Variants in MAMSTR observed in about 807,000 individuals in gnomAD.
MAMSTR encodes the protein MEF2 activating motif and SAP domain containing transcriptional regulator, also known as MEF2-activating motif and SAP domain-containing transcriptional regulator.
A neutral mutation model predicts 42.7 loss-of-function variants in MAMSTR; 41 were observed. That is an observed-to-expected ratio of 0.96 (90% CI 0.75 to 1.25). The LOEUF is 1.25. MAMSTR is among the 50% of genes most tolerant of loss of function. MAMSTR has a pLI of 0.00. For missense variants in MAMSTR, 567 were observed against 557.6 expected, an observed-to-expected ratio of 1.02 and a Z score of -0.17; for synonymous variants, 265 against 244.1, an observed-to-expected ratio of 1.09 and a Z score of -0.80.
downstream of MAMSTR, among the ~76,000 whole-genome samples, chr19:48,708,103 G>A (rs893874559): frequency 6.6e-6 from 1 of 151,710 alleles, no homozygotes; most frequent in Non-Finnish European, 1.5e-5. Context: ...GTGTAGTGGC[G>A]CATGCCTGTA....
chr19:48,708,231 C>CAAAAAAAAA (rs66744711), downstream of MAMSTR, among the ~76,000 whole-genome samples: 7 of 118,780 alleles, frequency 5.9e-5, no homozygotes, highest in Admixed American at 9.7e-5. Flanking sequence ...TGAACTCCAT[C>CAAAAAAAAA]AAAAAAAAAA....
At chr19:48,706,305 C>A in the MAMSTR span, among the ~76,000 whole-genome samples, 1 of 111,370 alleles carries the variant, frequency 9.0e-6, no homozygotes, top group South Asian at 2.6e-4. Context: ...AAAAAAAATT[C>A]TTAAGAGTAG....
At chr19:48,707,807 G>GGAAGGAAAGAAA (rs142184925), downstream of MAMSTR, among the ~76,000 whole-genome samples, 49 of 116,650 alleles carry the variant, frequency 4.2e-4, 2 homozygotes, top group Middle Eastern at 3.7e-3. Flanking sequence ...AAGGAAGGAA[G>GGAAGGAAAGAAA]GAAAGAAAGA....
At chr19:48,716,150 C>G (rs1016786870) in intron 3 of MAMSTR, among the ~76,000 whole-genome samples, 2 of 151,806 alleles carry the variant, frequency 1.3e-5, no homozygotes, top group Non-Finnish European at 2.9e-5. Flanking sequence ...CTGAGGCGGG[C>G]GGATCACTTG....
At chr19:48,708,781 C>G (rs75465285), downstream of MAMSTR, among the ~76,000 whole-genome samples, 1 of 151,720 alleles carries the variant, frequency 6.6e-6, no homozygotes, top group Non-Finnish European at 1.5e-5. Context: ...GACGAGTGCC[C>G]GAGACACAGA....
At chr19:48,714,273 C>T in intron 7 of MAMSTR, 93 bp downstream of exon 7, 1 of 1,129,152 alleles carries the variant, frequency 8.9e-7, no homozygotes, top group Non-Finnish European at 1.2e-6. Context: ...TGGTCCTCGC[C>T]CCCACACTTC....
downstream of MAMSTR, among the ~76,000 whole-genome samples, chr19:48,709,128 A>C (rs1289275693): frequency 6.6e-6 from 1 of 152,070 alleles, no homozygotes. Context: ...TGTCTCTATA[A>C]AAAAATGCAG....
At chr19:48,708,566 C>T (rs1170051491), downstream of MAMSTR, among the ~76,000 whole-genome samples, 3 of 151,940 alleles carry the variant, frequency 2.0e-5, no homozygotes, top group South Asian at 2.1e-4. Flanking sequence ...GTTGGGCGCT[C>T]GGCAGTGCCG....
intron 3 of MAMSTR, among the ~76,000 whole-genome samples, chr19:48,716,473 G>C (rs1211451526): frequency 6.6e-6 from 1 of 150,510 alleles, no homozygotes; most frequent in Admixed American, 6.6e-5. Flanking sequence ...CAGGATCCAA[G>C]TTCAAGCATC....
In MAMSTR at chr19:48,719,157, G is replaced by A. The variant is rs1312489785; in HGVS notation, c.-21-105C>T. The A allele has an allele frequency of 1.1e-5, 9 of 791,796 alleles. No individual in the cohort carries two copies. Among genetic ancestry groups the A allele is most frequent in the Non-Finnish European group, 1.9e-5 (9 of 475,218 alleles). The allele number at this position is 791,796 out of a possible 1,614,324, so 49.0% of individuals were successfully genotyped here. A position where few individuals can be genotyped will look rare whatever the true frequency, so the allele number is the denominator to read the frequency against. The stretch of plus-strand genomic sequence containing the variant: ...AATTCAGCAGGGAAAGGGCCCGAAG[G>A]AGGTGGGAATAGGAGCAGCCTTGGG... On this transcript the variant is annotated intron_variant, in intron 1 of 9. Coordinates refer to ENST00000318083, the MANE Select transcript of MAMSTR (RefSeq NM_001130915.2). This position sits in a 1 kb window ranked among gnomAD's most constrained non-coding sequence, Gnocchi z 4.4.
At chr19:48,714,288 G>A in intron 7 of MAMSTR, 78 bp downstream of exon 7, 1 of 1,207,632 alleles carries the variant, frequency 8.3e-7, no homozygotes, top group Non-Finnish European at 1.1e-6. Flanking sequence ...CACTTCATTG[G>A]CTAGTTTTTT....
intron 3 of MAMSTR, 131 bp downstream of exon 3, chr19:48,716,574 A>C: frequency 9.7e-7 from 1 of 1,033,218 alleles, no homozygotes; most frequent in Non-Finnish European, 1.3e-6. Flanking sequence ...ACAGGATGGG[A>C]TTTTGGTCTG....
downstream of MAMSTR, among the ~76,000 whole-genome samples, chr19:48,710,619 TG>T (rs1168649893): frequency 7.2e-6 from 1 of 139,218 alleles, no homozygotes; most frequent in African/African-American, 2.7e-5. Context: ...TTTTTTGAGA[TG>T]GAGTCTCACT....
downstream of MAMSTR, among the ~76,000 whole-genome samples, chr19:48,711,469 C>A (rs2032723289): frequency 6.6e-6 from 1 of 152,142 alleles, no homozygotes; most frequent in Admixed American, 6.6e-5. Flanking sequence ...GAAGAACTGC[C>A]CTGCTGAGCC....
At position 48,719,148 on chromosome 19, in the gene MAMSTR, G is replaced by A. The variant is rs936255053; in HGVS notation, c.-21-96C>T. On this transcript the variant is annotated intron_variant, in intron 1 of 9. Transcript: ENST00000318083. This position sits in a 1 kb window ranked among gnomAD's most constrained non-coding sequence, Gnocchi z 4.4. The stretch of plus-strand genomic sequence containing the variant: ...CTGAGAGTGAATTCAGCAGGGAAAG[G>A]GCCCGAAGGAGGTGGGAATAGGAGC... 2.7e-5 allele frequency: 23 copies of A among 846,494 alleles called. No homozygotes were observed. The highest frequency in any genetic ancestry group is 2.6e-4 in the Middle Eastern group (1 of 3,902). The allele number at this position is 846,494 out of a possible 1,614,324, so 52.4% of individuals were successfully genotyped here. A position where few individuals can be genotyped will look rare whatever the true frequency, so the allele number is the denominator to read the frequency against.
Position 48,719,023 on chromosome 19 carries a change from C to T in MAMSTR, c.9G>A (p.Leu3=), listed in dbSNP as rs1341402474. 3 of 1,551,180 alleles carry T rather than the reference C, an allele frequency of 1.9e-6. No individual in the cohort carries two copies. Among genetic ancestry groups the T allele is most frequent in the African/African-American group, 1.4e-5 (1 of 73,004 alleles). MT[L]AASSQRSQII... is the part of the protein sequence containing the mutation. ...TTTGGGAACGCTGGGAGGAAGCCGC[C>T]AGGGTCATTGCCAAGGCCGGGATGG... Residue 3 remains leucine (L), a synonymous_variant, in exon 2 of 10, where the codon CTG becomes CTA. Coordinates refer to ENST00000318083, the MANE Select transcript of MAMSTR (RefSeq NM_001130915.2). The surrounding 1 kb of genome is among the most constrained non-coding windows in gnomAD (Gnocchi z 4.4).
chr19:48,714,775 G>C (rs764955273), intron 6 of MAMSTR, 31 bp downstream of exon 6: 1 of 1,512,352 alleles, frequency 6.6e-7, no homozygotes, highest in Non-Finnish European at 9.2e-7. Context: ...GAAGGAGAGA[G>C]AAGGCCTGGA....
chr19:48,707,566 CTCTG>C, the MAMSTR span, among the ~76,000 whole-genome samples: 5 of 150,926 alleles, frequency 3.3e-5, no homozygotes, highest in Admixed American at 6.6e-5. Context: ...CATGGTGAAA[CTCTG>C]TCTGTGCTAA....
chr19:48,712,124 C>T (rs1332991595), downstream of MAMSTR, among the ~76,000 whole-genome samples: 2 of 151,862 alleles, frequency 1.3e-5, no homozygotes. Context: ...AATTCTTGGC[C>T]TCAAGTGATC....
Sources: gnomAD v4.1 joint callset for allele counts (sites outside exome capture counted in the v4.1 genomes callset) on GRCh38, gnomAD v4.1.1 for gene constraint, Gnocchi (gnomAD v3.1) non-coding constraint, MANE v1.5 for transcripts, NCBI Gene and HGNC (gene_info 2026-07-23, HGNC 2026-07-21) for gene names.